ZNF576: variants seen among roughly 807,000 people sequenced by gnomAD.
ZNF576 encodes the protein zinc finger protein 576.
In ZNF576, 9 loss-of-function variants were observed where a neutral mutation model predicts 10.8. The ratio of observed to expected loss-of-function variants is 0.84; its 90% confidence interval spans 0.50 to 1.46. ZNF576 has a LOEUF of 1.46. ZNF576 is among the 40% of genes most tolerant of loss of function. The pLI is 0.00. For missense variants in ZNF576, 191 were observed against 233.7 expected, an observed-to-expected ratio of 0.82 and a Z score of 1.19; for synonymous variants, 88 against 89.6, an observed-to-expected ratio of 0.98 and a Z score of 0.10.
At chr19:43,596,916 T>G in intron 1 of ZNF576, 173 bp downstream of exon 1, 1 of 557,470 alleles carries the variant, frequency 1.8e-6, no homozygotes, top group Non-Finnish European at 3.2e-6. Flanking sequence ...CTTTGGGAGG[T>G]TTGAAGCTTC....
Position 43,597,119 on chromosome 19 carries a change from C to A in ZNF576, c.11C>A (p.Pro4Gln), listed in dbSNP as rs1342837087. ...AAGGGTCCCAGCACCATGGAGGACC[C>A]GAACCCTGAAGAGAACATGAAGCAG... MED[P>Q]NPEENMKQQD... is the part of the protein sequence containing the mutation. The change falls in exon 2 of 3, where the codon CCG (proline) becomes CAG (glutamine). Residue 4 changes from proline (P) to glutamine (Q), a missense_variant. Physicochemically the swap from Pro to Gln is moderately conservative, Grantham distance 76. Transcript: ENST00000336564. 6.2e-7 allele frequency: 1 copy of A among 1,614,000 alleles called. No homozygotes were observed. Among genetic ancestry groups the A allele is most frequent in the Admixed American group, 1.7e-5 (1 of 60,010 alleles).
chr19:43,598,880 T>C lies in ZNF576; in HGVS notation c.135T>C (p.Asp45=). 2 of 1,597,562 alleles carry C rather than the reference T, an allele frequency of 1.3e-6. No individual in the cohort carries two copies. Among genetic ancestry groups the C allele is most frequent in the Non-Finnish European group, 1.7e-6 (2 of 1,168,694 alleles). ...KCTRCLITFA[D]SKFQERHMKR... is the part of the protein sequence containing the mutation. ...CCCGCTGCCTCATCACCTTCGCAGA[T>C]TCCAAGTTCCAGGAGCGTCACATGA... is the stretch of plus-strand genomic sequence containing the variant. The change falls in exon 3 of 3, where the codon GAT becomes GAC. Residue 45 remains aspartate, a synonymous_variant. Transcript: ENST00000336564.
At chr19:43,598,026 A>T (rs1198450807) in intron 2 of ZNF576, among the ~76,000 whole-genome samples, 1 of 152,212 alleles carries the variant, frequency 6.6e-6, no homozygotes, top group Non-Finnish European at 1.5e-5. Context: ...ATTGGATGCT[A>T]CCAGGAAGCA....
At chr19:43,597,854 AG>A (rs1027518585) in intron 2 of ZNF576, among the ~76,000 whole-genome samples, 4 of 152,192 alleles carry the variant, frequency 2.6e-5, no homozygotes, top group Non-Finnish European at 5.9e-5. Context: ...AGAGACTACC[AG>A]GAACACACCT....
In ZNF576 at chr19:43,599,010, C is replaced by T; in HGVS notation, c.265C>T (p.His89Tyr). Residue 89 changes from histidine to tyrosine, a missense_variant, in exon 3 of 3, where the codon CAC becomes TAC. Physicochemically the swap from His to Tyr is moderately conservative, Grantham distance 83. Transcript: ENST00000336564. ...SFPSSKALIT[H>Y]QRSHGPAAKP... ...CCCCTCCTCCAAAGCCCTAATCACC[C>T]ACCAGCGCAGCCACGGTCCAGCCGC... 1.2e-6 allele frequency: 2 copies of T among 1,614,228 alleles called. No individual in the cohort carries two copies. Among genetic ancestry groups the T allele is most frequent in the Non-Finnish European group, 1.7e-6 (2 of 1,180,044 alleles).
chr19:43,599,823 G>C lies in ZNF576; in HGVS notation c.*565G>C, dbSNP rs939905771. Reference sequence around the variant, plus strand: ...TTCCACCCCCTGCCATCCTCACTTAGAGGGGCCATGGCACTAGATGGCACT... The same window carrying C: ...TTCCACCCCCTGCCATCCTCACTTACAGGGGCCATGGCACTAGATGGCACT... On this transcript the variant is annotated 3_prime_UTR_variant, in exon 3 of 3. Coordinates refer to ENST00000336564, the MANE Select transcript of ZNF576 (RefSeq NM_001145347.2). The C allele has an allele frequency of 2.6e-5, 4 of 153,286 alleles. No homozygotes were observed. Among genetic ancestry groups the C allele is most frequent in the African/African-American group, 7.2e-5 (3 of 41,446 alleles). The allele number at this position is 153,286 out of a possible 1,614,324, so 9.5% of individuals were successfully genotyped here. A position where few individuals can be genotyped will look rare whatever the true frequency, so the allele number is the denominator to read the frequency against.
rs532352539 is a variant in ZNF576, at chr19:43,597,810, G to A, written c.85+617G>A. Reference sequence around the variant, plus strand: ...GGAACTGAGGCAGAGAGAGGTATTTGTAACAAGAGCTGTAGTCTCAATGCC... The same window carrying A: ...GGAACTGAGGCAGAGAGAGGTATTTATAACAAGAGCTGTAGTCTCAATGCC... On this transcript the variant is annotated intron_variant, in intron 2 of 2. Coordinates refer to ENST00000336564, the MANE Select transcript of ZNF576 (RefSeq NM_001145347.2). Among the ~76,000 whole-genome samples, 17 of 152,250 alleles carry A rather than the reference G, an allele frequency of 1.1e-4. No individual in the cohort carries two copies. In the South Asian group the frequency reaches 1.2e-3, roughly 11 times the overall value.
chr19:43,598,060 C>T (rs1973168841), intron 2 of ZNF576, among the ~76,000 whole-genome samples: 1 of 152,136 alleles, frequency 6.6e-6, no homozygotes, highest in Admixed American at 6.5e-5. Context: ...GATTGGCTAT[C>T]GTAATAAATC....
chr19:43,598,819 C>A lies in ZNF576; in HGVS notation c.86-12C>A. Reference sequence around the variant, plus strand: ...TGCTGGCCTCCCCTGACCTCTCCCCCACATTCCTCAGGCCACCTGGGGGCC... The same window carrying A: ...TGCTGGCCTCCCCTGACCTCTCCCCAACATTCCTCAGGCCACCTGGGGGCC... On this transcript the variant is annotated splice_polypyrimidine_tract_variant and intron_variant, in intron 2 of 2. Transcript: ENST00000336564. The A allele has an allele frequency of 1.9e-6, 3 of 1,542,548 alleles. No individual in the cohort carries two copies. The highest frequency in any genetic ancestry group is 2.6e-6 in the Non-Finnish European group (3 of 1,141,998).
In ZNF576 at chr19:43,599,114, G is replaced by A. The variant is rs1330718549; in HGVS notation, c.369G>A (p.Gln123=). 6.2e-7 allele frequency: 1 copy of A among 1,614,256 alleles called. No individual in the cohort carries two copies. The change falls in exon 3 of 3, where the codon CAG becomes CAA. Residue 123 remains glutamine (Q), a synonymous_variant. Transcript: ENST00000336564. ...PCPDCGKTFG[Q]AVSLRRHRQM... is the part of the protein sequence containing the mutation. Reference sequence around the variant, plus strand: ...CTGACTGTGGCAAGACCTTTGGGCAGGCTGTTTCTCTGAGGCGGCACCGCC... The same window carrying A: ...CTGACTGTGGCAAGACCTTTGGGCAAGCTGTTTCTCTGAGGCGGCACCGCC...
Position 43,599,356 on chromosome 19 carries a change from T to C in ZNF576, c.*98T>C. On this transcript the variant is annotated 3_prime_UTR_variant, in exon 3 of 3. Coordinates refer to ENST00000336564, the MANE Select transcript of ZNF576 (RefSeq NM_001145347.2). ...GGAACTCTGGGGGCCCTGAAGGATTTGCTTCCCTCCCCTGGGAAGGCAGAG... is the reference window on the plus strand; with the variant it reads ...GGAACTCTGGGGGCCCTGAAGGATTCGCTTCCCTCCCCTGGGAAGGCAGAG... 3 of 1,300,028 alleles carry C rather than the reference T, an allele frequency of 2.3e-6. No homozygotes were observed. Among genetic ancestry groups the C allele is most frequent in the Non-Finnish European group, 3.1e-6 (3 of 956,974 alleles). The allele number at this position is 1,300,028 out of a possible 1,614,324, so 80.5% of individuals were successfully genotyped here.
chr19:43,597,241 T>A (rs1358888420), intron 2 of ZNF576, 48 bp downstream of exon 2: 1 of 1,552,642 alleles, frequency 6.4e-7, no homozygotes. Flanking sequence ...GTGCAGGAGC[T>A]GATGCTAAGA....
chr19:43,599,050 C>A lies in ZNF576; in HGVS notation c.305C>A (p.Pro102Gln). The A allele has an allele frequency of 6.2e-7, 1 of 1,614,210 alleles. No individual in the cohort carries two copies. Among genetic ancestry groups the A allele is most frequent in the South Asian group, 1.1e-5 (1 of 91,090 alleles). ...SHGPAAKPTL[P>Q]VATTTAQPTF... ...GGTCCAGCCGCCAAGCCCACCCTGC[C>A]GGTTGCAACCACTACTGCCCAGCCC... The change falls in exon 3 of 3, where the codon CCG becomes CAG. Residue 102 changes from proline (P) to glutamine (Q), a missense_variant. Pro to Gln is a moderately conservative substitution (Grantham distance 76). Coordinates refer to ENST00000336564, the MANE Select transcript of ZNF576 (RefSeq NM_001145347.2).
rs540542746 is a variant in ZNF576 at position 43,600,485 on chromosome 19, C to T, written c.*1227C>T. 2 of 152,244 alleles carry T rather than the reference C, an allele frequency of 1.3e-5. No individual in the cohort carries two copies. The highest frequency in any genetic ancestry group is 2.4e-5 in the African/African-American group (1 of 41,462). The allele number at this position is 152,244 out of a possible 1,614,324, so 9.4% of individuals were successfully genotyped here. ...CAGTAGCTGAAAAGACTGCATTTCCCAGATTCCTTTGCAGCTAGATGTGGC... is the reference window on the plus strand; with the variant it reads ...CAGTAGCTGAAAAGACTGCATTTCCTAGATTCCTTTGCAGCTAGATGTGGC... On this transcript the variant is annotated 3_prime_UTR_variant, in exon 3 of 3. Transcript: ENST00000336564.
chr19:43,597,291 T>C (rs1263235845), intron 2 of ZNF576, 98 bp downstream of exon 2: 1 of 1,128,294 alleles, frequency 8.9e-7, no homozygotes, highest in Non-Finnish European at 1.3e-6. Flanking sequence ...CACAGAGTTT[T>C]GCCTGTTGAG....
At position 43,597,094 on chromosome 19, in the gene ZNF576, A is replaced by G; in HGVS notation, c.-15A>G. 6.2e-7 allele frequency: 1 copy of G among 1,613,796 alleles called. No homozygotes were observed. The highest frequency in any genetic ancestry group is 8.5e-7 in the Non-Finnish European group (1 of 1,179,742). On this transcript the variant is annotated splice_region_variant and 5_prime_UTR_variant, in exon 2 of 3. Transcript: ENST00000336564. ...TTATGCACGCTCCTCTCCTGACTAG[A>G]AGGGTCCCAGCACCATGGAGGACCC...
At position 43,597,181 on chromosome 19, in the gene ZNF576, G is replaced by A. The variant is rs767648676; in HGVS notation, c.73G>A (p.Gly25Arg). ...CAAGGAGAGAAGTCCCCAGAGCCCA[G>A]GAGGCAACATCTGTGAGTACACATG... ...SPKERSPQSP[G>R]GNICHLGAPK... The change falls in exon 2 of 3, where the codon GGA becomes AGA. Residue 25 changes from glycine (G) to arginine (R), a missense_variant. Physicochemically the swap from Gly to Arg is moderately radical, Grantham distance 125. Transcript: ENST00000336564. The A allele has an allele frequency of 6.2e-7, 1 of 1,614,094 alleles. No homozygotes were observed. The highest frequency in any genetic ancestry group is 2.2e-5 in the East Asian group (1 of 44,872).
intron 2 of ZNF576, 52 bp from the exon 3 acceptor site, chr19:43,598,779 G>A: frequency 1.4e-6 from 2 of 1,419,062 alleles, no homozygotes; most frequent in South Asian, 2.7e-5. Flanking sequence ...TTCAGGAAGA[G>A]GTCTTGGAGA....
intron 2 of ZNF576, 175 bp downstream of exon 2, chr19:43,597,368 C>T: frequency 1.7e-6 from 1 of 599,372 alleles, no homozygotes; most frequent in Non-Finnish European, 3.0e-6. Flanking sequence ...GCTTATGTGG[C>T]CAGAGTACTC....
Sources: gnomAD v4.1 joint callset for allele counts (sites outside exome capture counted in the v4.1 genomes callset) on GRCh38, gnomAD v4.1.1 for gene constraint, MANE v1.5 for transcripts, NCBI Gene and HGNC (gene_info 2026-07-23, HGNC 2026-07-21) for gene names.